The following VAC14 variants were observed in gnomAD, a reference collection of about 807,000 sequenced individuals.
VAC14 encodes the protein VAC14 component of PIKFYVE complex.
In VAC14, 47 loss-of-function variants were observed where a neutral mutation model predicts 85.3. The ratio of observed to expected loss-of-function variants is 0.55; its 90% CI spans 0.44 to 0.70. The LOEUF is 0.70. Ranked by LOEUF, VAC14 falls within the 30% of genes least tolerant of loss-of-function variation. The probability of loss-of-function intolerance (pLI) is 0.00; values close to 1 mark genes in which losing one functional copy is unlikely to be tolerated. For synonymous variants in VAC14, 447 were observed against 430.5 expected (o/e 1.04, Z -0.47); for missense variants, 861 against 1,004.3 (o/e 0.86, Z 1.93).
At chr16:70,764,981 C>G (rs1286814976) in intron 10 of VAC14, among the ~76,000 whole-genome samples, 1 of 152,204 alleles carries the variant, frequency 6.6e-6, no homozygotes, top group African/African-American at 2.4e-5. Flanking sequence ...GTTCCACACA[C>G]TTTTTGGGCT....
chr16:70,719,444 G>T (rs1356982432), intron 14 of VAC14, among the ~76,000 whole-genome samples: 1 of 152,202 alleles, frequency 6.6e-6, no homozygotes, highest in Non-Finnish European at 1.5e-5. Context: ...GATAAGGCAT[G>T]CCACAGAGTA....
intron 14 of VAC14, among the ~76,000 whole-genome samples, chr16:70,712,785 T>C (rs184783846): frequency 7.4e-4 from 113 of 152,354 alleles, no homozygotes; most frequent in Admixed American, 2.3e-3. Context: ...TCAGTTTTTA[T>C]TGTATGTGGT....
chr16:70,739,473 G>T (rs2030041914), intron 13 of VAC14, among the ~76,000 whole-genome samples: 1 of 152,236 alleles, frequency 6.6e-6, no homozygotes, highest in Non-Finnish European at 1.5e-5. Flanking sequence ...TCACTGCCAG[G>T]TTGTGCCCAT....
At chr16:70,730,756 C>T (rs1421198532) in intron 14 of VAC14, among the ~76,000 whole-genome samples, 1 of 152,042 alleles carries the variant, frequency 6.6e-6, no homozygotes, top group Non-Finnish European at 1.5e-5. Flanking sequence ...TACCACCACA[C>T]CTGGCTAATT....
At chr16:70,785,128 G>A (rs868715625) in intron 3 of VAC14, among the ~76,000 whole-genome samples, 1 of 152,244 alleles carries the variant, frequency 6.6e-6, no homozygotes, top group East Asian at 1.9e-4. Flanking sequence ...GTTGCTTCCC[G>A]TCAGCCTTCC....
chr16:70,793,154 C>T (rs141071786), intron 1 of VAC14, among the ~76,000 whole-genome samples: 115 of 152,330 alleles, frequency 7.5e-4, no homozygotes, highest in Admixed American at 2.0e-3. Context: ...CACTTTCACA[C>T]AGTGCTCGGT....
intron 13 of VAC14, among the ~76,000 whole-genome samples, chr16:70,737,394 G>C (rs2054792795): frequency 6.6e-6 from 1 of 152,184 alleles, no homozygotes; most frequent in Non-Finnish European, 1.5e-5. Context: ...AGGGAGAGGG[G>C]GGCCCACAAC....
chr16:70,749,223 G>A (rs185909124), intron 12 of VAC14, among the ~76,000 whole-genome samples: 106 of 152,344 alleles, frequency 7.0e-4, no homozygotes, highest in African/African-American at 2.4e-3. Context: ...ATGGACAGCA[G>A]TGCCCACACC....
At chr16:70,731,426 T>C in intron 14 of VAC14, 69 bp downstream of exon 14, 1 of 1,570,300 alleles carries the variant, frequency 6.4e-7, no homozygotes, top group Non-Finnish European at 8.6e-7. Context: ...GCTTTGACAC[T>C]TGAATGGCGT....
At chr16:70,716,796 G>T (rs578167045) in intron 14 of VAC14, 1 of 152,382 alleles carries the variant, frequency 6.6e-6, no homozygotes, top group South Asian at 2.1e-4. Context: ...AAATAGTGCT[G>T]TTGGCGGAAG....
At chr16:70,797,488 A>G (rs2034594071) in intron 1 of VAC14, among the ~76,000 whole-genome samples, 1 of 152,270 alleles carries the variant, frequency 6.6e-6, no homozygotes, top group African/African-American at 2.4e-5. Flanking sequence ...TGGTAACAGC[A>G]GTACTGACAG....
At chr16:70,772,771 T>C (rs4985364) in intron 9 of VAC14, 31,805 of 152,250 alleles carry the variant, frequency 0.21, 3,769 homozygotes, top group African/African-American at 0.33. Context: ...AAACCTTGTA[T>C]ATCAATCATG....
At chr16:70,701,312 C>T (rs1467234709) in intron 14 of VAC14, among the ~76,000 whole-genome samples, 1 of 152,150 alleles carries the variant, frequency 6.6e-6, no homozygotes, top group Non-Finnish European at 1.5e-5. Flanking sequence ...CCTGCCTGGC[C>T]ACCTAGCAGG....
intron 14 of VAC14, among the ~76,000 whole-genome samples, chr16:70,707,574 A>G (rs1257039520): frequency 6.6e-6 from 1 of 152,162 alleles, no homozygotes; most frequent in Non-Finnish European, 1.5e-5. Context: ...GAGCTGCCAC[A>G]GAAAACGAAA....
At chr16:70,748,362 G>A (rs1334012303) in intron 12 of VAC14, among the ~76,000 whole-genome samples, 6 of 152,206 alleles carry the variant, frequency 3.9e-5, no homozygotes, top group African/African-American at 1.2e-4. Context: ...CAGGTGGTGA[G>A]CATTTACTGA....
At chr16:70,743,526 G>A (rs747567045) in intron 13 of VAC14, among the ~76,000 whole-genome samples, 2 of 152,196 alleles carry the variant, frequency 1.3e-5, no homozygotes, top group Non-Finnish European at 2.9e-5. Context: ...CATTCTTGAA[G>A]TCAGCAAGAC....
intron 14 of VAC14, among the ~76,000 whole-genome samples, chr16:70,702,043 C>A (rs562836669): frequency 6.6e-6 from 1 of 152,328 alleles, no homozygotes; most frequent in East Asian, 1.9e-4. Flanking sequence ...AGTTCTAGTT[C>A]TTTCAGGGCA....
At chr16:70,784,892 G>C in intron 3 of VAC14, 54 bp from the exon 4 acceptor site, 1 of 1,515,160 alleles carries the variant, frequency 6.6e-7, no homozygotes, top group Non-Finnish European at 9.2e-7. Flanking sequence ...ACGGTTGGAT[G>C]CAAGACCAGG....
At chr16:70,785,586 G>A in intron 3 of VAC14, 116 bp downstream of exon 3, 1 of 1,263,384 alleles carries the variant, frequency 7.9e-7, no homozygotes, top group East Asian at 2.6e-5. Context: ...GTCCCTTGCA[G>A]CCACATGCTT....
Sources: allele counts gnomAD v4.1 joint callset (sites outside exome capture counted in the v4.1 genomes callset), GRCh38; gene constraint gnomAD v4.1.1; transcripts MANE v1.5; gene names NCBI Gene and HGNC (gene_info 2026-07-23, HGNC 2026-07-21).